TLL1: variants seen among roughly 807,000 people sequenced by gnomAD.
The protein encoded by TLL1 is tolloid-like protein 1.
In TLL1, 49 loss-of-function variants were observed where a neutral mutation model predicts 128.2. That is an observed-to-expected ratio of 0.38 (90% CI 0.30 to 0.48). TLL1 has a LOEUF of 0.48. TLL1 is among the 20% of genes least tolerant of loss of function. The pLI, the probability that TLL1 is intolerant of heterozygous loss-of-function variation, is 0.96. For synonymous variants in TLL1, 454 were observed against 418.8 expected (o/e 1.08, Z -1.03); for missense variants, 1,123 against 1,242.0 (o/e 0.90, Z 1.44).
intron 1 of TLL1, among the ~76,000 whole-genome samples, chr4:165,889,966 A>T (rs1250219513): frequency 1.3e-5 from 2 of 152,194 alleles, no homozygotes; most frequent in Non-Finnish European, 2.9e-5. Context: ...TATAAAGGAA[A>T]GAGGTTTAAT....
Position 166,057,305 on chromosome 4 carries a change from T to C in TLL1, c.1842T>C (p.Cys614=). ...GYELGPDRRS[C]EAACGGLLTK... ...AGCTGGGCCCAGACAGAAGGAGCTG[T>C]GAAGGTATGACTGCACTCCTTCCTG... The change falls in exon 14 of 21, where the codon TGT becomes TGC. Residue 614 remains cysteine, a synonymous_variant. Coordinates refer to ENST00000061240, the MANE Select transcript of TLL1 (RefSeq NM_012464.5). 2 of 1,613,816 alleles carry C rather than the reference T, an allele frequency of 1.2e-6. No individual in the cohort carries two copies. The highest frequency in any genetic ancestry group is 1.1e-5 in the South Asian group (1 of 91,068).
intron 6 of TLL1, among the ~76,000 whole-genome samples, chr4:166,004,853 A>T (rs531060681): frequency 6.6e-6 from 1 of 152,020 alleles, no homozygotes; most frequent in Non-Finnish European, 1.5e-5. Context: ...GCTAGTGGGG[A>T]ATAATTAAAG....
chr4:165,878,120 T>C (rs1324493468), intron 1 of TLL1, among the ~76,000 whole-genome samples: 1 of 152,208 alleles, frequency 6.6e-6, no homozygotes, highest in Non-Finnish European at 1.5e-5. Flanking sequence ...CCTCAGTTTA[T>C]AATTTCTAGG....
chr4:166,050,161 G>A (rs1440911813), intron 12 of TLL1, among the ~76,000 whole-genome samples: 1 of 152,094 alleles, frequency 6.6e-6, no homozygotes, highest in Non-Finnish European at 1.5e-5. Flanking sequence ...TCTTCATCTT[G>A]CAAAGCCGAA....
At chr4:165,989,307 C>T in intron 1 of TLL1, 74 bp from the exon 2 acceptor site, 5 of 1,125,416 alleles carry the variant, frequency 4.4e-6, no homozygotes, top group Non-Finnish European at 6.6e-6. Context: ...TTTAACAATG[C>T]TTTTCTAATT....
intron 1 of TLL1, among the ~76,000 whole-genome samples, chr4:165,927,499 G>A (rs1319866274): frequency 1.3e-5 from 2 of 152,314 alleles, no homozygotes; most frequent in Non-Finnish European, 2.9e-5. Context: ...TAATAAAAAT[G>A]TAAGAGGATT....
intron 16 of TLL1, among the ~76,000 whole-genome samples, chr4:166,066,066 A>T (rs1740561524): frequency 6.6e-6 from 1 of 151,912 alleles, no homozygotes; most frequent in African/African-American, 2.4e-5. Flanking sequence ...ATGATACAAG[A>T]CCTCCAAAAA....
intron 9 of TLL1, among the ~76,000 whole-genome samples, chr4:166,035,886 A>T (rs1447152056): frequency 6.6e-6 from 1 of 152,166 alleles, no homozygotes; most frequent in Non-Finnish European, 1.5e-5. Flanking sequence ...TCCATGGGTT[A>T]TAGTTTACTG....
At chr4:165,937,233 T>C (rs1305964355) in intron 1 of TLL1, among the ~76,000 whole-genome samples, 7 of 152,194 alleles carry the variant, frequency 4.6e-5, no homozygotes, top group Non-Finnish European at 8.8e-5. Context: ...CATCTATTTA[T>C]TTTTAACAAT....
At chr4:166,094,198 C>T (rs1741914731) in intron 19 of TLL1, among the ~76,000 whole-genome samples, 1 of 152,066 alleles carries the variant, frequency 6.6e-6, no homozygotes, top group Admixed American at 6.6e-5. Flanking sequence ...AGATATTATC[C>T]TCATTTTGCA....
At chr4:166,019,344 A>G (rs994730831) in intron 8 of TLL1, among the ~76,000 whole-genome samples, 1 of 152,106 alleles carries the variant, frequency 6.6e-6, no homozygotes, top group South Asian at 2.1e-4. Flanking sequence ...AAAAATTACC[A>G]GTTAGGTTCT....
Position 165,999,480 on chromosome 4 carries a change from C to T in TLL1, c.633-3911C>T, listed in dbSNP as rs560058444. On this transcript the variant is annotated intron_variant, in intron 5 of 20. Coordinates refer to ENST00000061240, the MANE Select transcript of TLL1 (RefSeq NM_012464.5). Reference sequence around the variant, plus strand: ...AGACCATCAGATTTCGTGAGAACTCCCTTATTATCACGAGAACAGCACAGG... The same window carrying T: ...AGACCATCAGATTTCGTGAGAACTCTCTTATTATCACGAGAACAGCACAGG... Among the ~76,000 whole-genome samples the T allele has an allele frequency of 3.3e-5, 5 of 151,918 alleles. No homozygotes were observed. In the South Asian group the frequency reaches 1.0e-3, roughly 32 times the overall value.
chr4:165,973,211 G>T (rs893517541), intron 1 of TLL1, among the ~76,000 whole-genome samples: 7 of 152,136 alleles, frequency 4.6e-5, no homozygotes, highest in African/African-American at 1.7e-4. Context: ...GAAGCAAGTA[G>T]TGGCTCAGTC....
intron 19 of TLL1, among the ~76,000 whole-genome samples, chr4:166,092,376 A>G (rs1374235936): frequency 6.6e-6 from 1 of 152,110 alleles, no homozygotes; most frequent in Non-Finnish European, 1.5e-5. Context: ...TAATCTGATT[A>G]ATAATAGTAA....
At chr4:165,908,071 T>C (rs1216350370) in intron 1 of TLL1, among the ~76,000 whole-genome samples, 1 of 152,234 alleles carries the variant, frequency 6.6e-6, no homozygotes, top group Non-Finnish European at 1.5e-5. Context: ...GAATACTAAA[T>C]ATTTCTCTGG....
In TLL1 at chr4:166,101,007, A is replaced by C. The variant is rs1441019353; in HGVS notation, c.*131A>C. The C allele has an allele frequency of 1.7e-6, 2 of 1,194,682 alleles. No individual in the cohort carries two copies. The highest frequency in any genetic ancestry group is 2.4e-6 in the Non-Finnish European group (2 of 848,322). 74.0% of individuals were successfully genotyped at this position (1,194,682 alleles called of 1,614,324 possible). On this transcript the variant is annotated 3_prime_UTR_variant, in exon 21 of 21. Coordinates refer to ENST00000061240, the MANE Select transcript of TLL1 (RefSeq NM_012464.5). ...AACAAAAAATCCCTGTAAGACCAGA[A>C]TTATCTTTGTACTAAAAGAGAAGTT... is the stretch of plus-strand genomic sequence containing the variant.
chr4:165,938,791 T>C (rs1211424325), intron 1 of TLL1, among the ~76,000 whole-genome samples: 4 of 151,914 alleles, frequency 2.6e-5, no homozygotes, highest in Non-Finnish European at 5.9e-5. Flanking sequence ...TTTTTTTTTT[T>C]TTTGTACTCC....
chr4:165,979,419 A>C (rs1454338186), intron 1 of TLL1, among the ~76,000 whole-genome samples: 3 of 152,126 alleles, frequency 2.0e-5, no homozygotes, highest in Non-Finnish European at 4.4e-5. Flanking sequence ...AAAAGAAAAC[A>C]GTTTAATGAT....
chr4:166,004,253 T>A (rs993906866), intron 6 of TLL1, among the ~76,000 whole-genome samples: 3 of 152,130 alleles, frequency 2.0e-5, no homozygotes, highest in African/African-American at 7.2e-5. Flanking sequence ...AAATATTCTG[T>A]TGTTTGGAAT....
Sources: allele counts gnomAD v4.1 joint callset (sites outside exome capture counted in the v4.1 genomes callset), GRCh38; gene constraint gnomAD v4.1.1; transcripts MANE v1.5; gene names NCBI Gene and HGNC (gene_info 2026-07-23, HGNC 2026-07-21).